BLTP3B: variants seen among roughly 807,000 people sequenced by gnomAD.
BLTP3B encodes UHRF1 (ICBP90) binding protein 1-like.
the BLTP3B span, among the ~76,000 whole-genome samples, chr12:100,079,175 T>C: frequency 6.6e-6 from 1 of 152,194 alleles, no homozygotes; most frequent in Non-Finnish European, 1.5e-5. Context: ...AGTGGGGCAC[T>C]GCTGAAAAGA....
the BLTP3B span, chr12:100,070,098 ACTCC>A: frequency 6.8e-7 from 1 of 1,478,038 alleles, no homozygotes; most frequent in South Asian, 1.4e-5. Context: ...GTGCCATTTT[ACTCC>A]CTATGAGATG....
the BLTP3B span, among the ~76,000 whole-genome samples, chr12:100,090,978 T>C: frequency 6.6e-6 from 1 of 151,160 alleles, no homozygotes; most frequent in East Asian, 1.9e-4. Flanking sequence ...GGATGCTATT[T>C]CTGGAAGAAA....
At chr12:100,101,520 T>G in the BLTP3B span, among the ~76,000 whole-genome samples, 12 of 152,236 alleles carry the variant, frequency 7.9e-5, no homozygotes, top group Non-Finnish European at 1.6e-4. Flanking sequence ...TAAAAATCTA[T>G]GTCAACAATT....
chr12:100,136,411 T>A, the BLTP3B span, among the ~76,000 whole-genome samples: 3 of 152,194 alleles, frequency 2.0e-5, no homozygotes, highest in Non-Finnish European at 4.4e-5. Flanking sequence ...CAGTTAGTGA[T>A]CCTACTCATG....
chr12:100,063,109 A>AGCAGTGTGTGGAGGCTCAC, the BLTP3B span, among the ~76,000 whole-genome samples: 11 of 152,316 alleles, frequency 7.2e-5, no homozygotes, highest in Non-Finnish European at 1.5e-4. Context: ...GGATGGACGT[A>AGCAGTGTGTGGAGGCTCAC]GCAGTGTGTG....
chr12:100,102,934 TTC>T, the BLTP3B span: 1 of 913,790 alleles, frequency 1.1e-6, no homozygotes, highest in African/African-American at 1.8e-5. Context: ...TAAGATTATT[TTC>T]TCTTTCATTT....
the BLTP3B span, among the ~76,000 whole-genome samples, chr12:100,068,284 T>C: frequency 1.3e-5 from 2 of 152,240 alleles, no homozygotes; most frequent in African/African-American, 4.8e-5. Context: ...CTGGGATAAC[T>C]GGCTAACCAT....
the BLTP3B span, chr12:100,058,387 T>C: frequency 6.2e-7 from 1 of 1,612,444 alleles, no homozygotes; most frequent in Non-Finnish European, 8.5e-7. Flanking sequence ...AAATAGTCCA[T>C]AAAAGAAATG....
At chr12:100,094,879 C>T in the BLTP3B span, among the ~76,000 whole-genome samples, 3 of 152,110 alleles carry the variant, frequency 2.0e-5, no homozygotes, top group African/African-American at 7.2e-5. Context: ...TAAATGTATG[C>T]CATTCCCATG....
At chr12:100,136,810 CTTTT>C in the BLTP3B span, among the ~76,000 whole-genome samples, 2 of 147,718 alleles carry the variant, frequency 1.4e-5, no homozygotes, top group Non-Finnish European at 3.0e-5. Context: ...TCTTTTTTTT[CTTTT>C]TTTTTATTTT....
chr12:100,055,790 AAAG>A, the BLTP3B span, among the ~76,000 whole-genome samples: 1 of 152,156 alleles, frequency 6.6e-6, no homozygotes, highest in Non-Finnish European at 1.5e-5. Flanking sequence ...CTTATCTGTA[AAAG>A]AAGGATAAGA....
At chr12:100,060,398 C>T in the BLTP3B span, among the ~76,000 whole-genome samples, 1 of 152,086 alleles carries the variant, frequency 6.6e-6, no homozygotes, top group Non-Finnish European at 1.5e-5. Context: ...AAGAAGCAAA[C>T]CTCTAAAAAC....
the BLTP3B span, among the ~76,000 whole-genome samples, chr12:100,103,651 A>G: frequency 6.6e-6 from 1 of 152,194 alleles, no homozygotes; most frequent in Non-Finnish European, 1.5e-5. Context: ...GTACATCAAC[A>G]AAGAGTTAAA....
chr12:100,137,104 C>A, the BLTP3B span, among the ~76,000 whole-genome samples: 5 of 152,216 alleles, frequency 3.3e-5, no homozygotes, highest in African/African-American at 1.2e-4. Context: ...AGCCACGGCG[C>A]CCAGCCTCAG....
chr12:100,138,723 C>A, the BLTP3B span, among the ~76,000 whole-genome samples: 1 of 152,222 alleles, frequency 6.6e-6, no homozygotes, highest in Non-Finnish European at 1.5e-5. Context: ...ATGCCCTTAG[C>A]CTAAGGGAGC....
At chr12:100,063,705 C>T in the BLTP3B span, among the ~76,000 whole-genome samples, 1 of 89,020 alleles carries the variant, frequency 1.1e-5, no homozygotes, top group Non-Finnish European at 2.4e-5. Context: ...AACTCCGTCT[C>T]AAAAAAAAAA....
chr12:100,131,029 G>A, the BLTP3B span, among the ~76,000 whole-genome samples: 5 of 123,252 alleles, frequency 4.1e-5, no homozygotes, highest in Admixed American at 7.9e-5. Context: ...GAGAGAGAGA[G>A]AGAGAAAGAG....
chr12:100,142,626 T>C, the BLTP3B span: 7 of 1,608,904 alleles, frequency 4.4e-6, no homozygotes, highest in Non-Finnish European at 5.9e-6. Flanking sequence ...TTCTTGATGA[T>C]CCCGGCCATG....
the BLTP3B span, among the ~76,000 whole-genome samples, chr12:100,127,917 G>A: frequency 5.3e-5 from 8 of 152,140 alleles, no homozygotes; most frequent in Non-Finnish European, 1.2e-4. Flanking sequence ...GGTGGCTGAA[G>A]CAGGAGGATA....
Sources: gnomAD v4.1 joint callset for allele counts (sites outside exome capture counted in the v4.1 genomes callset) on GRCh38, gnomAD v4.1.1 for gene constraint, MANE v1.5 for transcripts, NCBI Gene and HGNC (gene_info 2026-07-23, HGNC 2026-07-21) for gene names.